The following ARMH4 variants were observed in gnomAD, a reference collection of about 807,000 sequenced individuals.
ARMH4 encodes the protein armadillo like helical domain containing 4.
A neutral mutation model predicts 61.9 loss-of-function variants in ARMH4; 49 were observed. The ratio of observed to expected loss-of-function variants is 0.79; its 90% CI spans 0.63 to 1.00. The LOEUF is 1.00. ARMH4 is among the 50% of genes least tolerant of loss of function. ARMH4 has a pLI of 0.00. For missense variants in ARMH4, 934 were observed against 930.0 expected (o/e 1.00, Z -0.06); for synonymous variants, 368 against 341.5 (o/e 1.08, Z -0.85).
At chr14:58,063,153 T>C (rs896566380) in intron 5 of ARMH4, among the ~76,000 whole-genome samples, 1 of 152,082 alleles carries the variant, frequency 6.6e-6, no homozygotes, top group Non-Finnish European at 1.5e-5. Flanking sequence ...GGAACATAAC[T>C]CCAATCTCTA....
At chr14:58,111,952 C>A (rs79387265) in intron 4 of ARMH4, among the ~76,000 whole-genome samples, 3 of 152,158 alleles carry the variant, frequency 2.0e-5, no homozygotes, top group Non-Finnish European at 4.4e-5. Context: ...CTTCGCCCCC[C>A]TAAAGTTCTG....
intron 4 of ARMH4, among the ~76,000 whole-genome samples, chr14:58,123,406 G>A (rs1886793465): frequency 6.6e-6 from 1 of 152,080 alleles, no homozygotes; most frequent in East Asian, 1.9e-4. Context: ...GCTCAACAAG[G>A]ACTCCAAAAG....
chr14:58,020,064 C>G (rs550712474), intron 5 of ARMH4, among the ~76,000 whole-genome samples: 1 of 152,258 alleles, frequency 6.6e-6, no homozygotes, highest in Admixed American at 6.5e-5. Flanking sequence ...TTGTTAAACA[C>G]CTCACAAAAA....
intron 5 of ARMH4, among the ~76,000 whole-genome samples, chr14:58,072,086 T>C (rs1216633714): frequency 6.6e-6 from 1 of 152,230 alleles, no homozygotes; most frequent in Non-Finnish European, 1.5e-5. Flanking sequence ...ATTTTTTGTA[T>C]TACCTCTTTA....
intron 4 of ARMH4, among the ~76,000 whole-genome samples, chr14:58,123,037 GTCC>G (rs952700942): frequency 6.6e-6 from 1 of 152,128 alleles, no homozygotes; most frequent in Non-Finnish European, 1.5e-5. Flanking sequence ...CCGGACAACT[GTCC>G]TCCAGATCTG....
chr14:58,061,083 A>C lies in ARMH4; in HGVS notation c.2089+35641T>G, dbSNP rs974414554. On this transcript the variant is annotated intron_variant, in intron 5 of 7. Coordinates refer to ENST00000267485, the MANE Select transcript of ARMH4 (RefSeq NM_001001872.4). ...AGAATAACATCACATTCCAGATTCC[A>C]TGCTGAGCTCCAACTCCGTGAGGCT... Among the ~76,000 whole-genome samples the C allele has an allele frequency of 3.9e-5, 6 of 152,220 alleles. No individual in the cohort carries two copies. In the South Asian group the frequency reaches 1.2e-3, roughly 32 times the overall value.
At chr14:58,108,140 C>G (rs961138435) in intron 4 of ARMH4, among the ~76,000 whole-genome samples, 1 of 152,090 alleles carries the variant, frequency 6.6e-6, no homozygotes, top group Non-Finnish European at 1.5e-5. Flanking sequence ...CAGCGACTCT[C>G]CAGCAGATGG....
intron 6 of ARMH4, among the ~76,000 whole-genome samples, chr14:58,006,668 A>G (rs1882180617): frequency 6.6e-6 from 1 of 151,448 alleles, no homozygotes; most frequent in Non-Finnish European, 1.5e-5. Context: ...TTTTCAATAA[A>G]TTAATATGCC....
chr14:58,016,506 AT>A, intron 5 of ARMH4, among the ~76,000 whole-genome samples: 1 of 152,150 alleles, frequency 6.6e-6, no homozygotes, highest in Middle Eastern at 3.2e-3. Flanking sequence ...TTTGTCTTTT[AT>A]TCTCTGTATT....
At chr14:58,115,415 A>G (rs1204579604) in intron 4 of ARMH4, among the ~76,000 whole-genome samples, 2 of 152,196 alleles carry the variant, frequency 1.3e-5, no homozygotes, top group African/African-American at 4.8e-5. Flanking sequence ...TTAGAAGTCA[A>G]AACATAACAG....
chr14:58,065,935 C>A (rs1884686911), intron 5 of ARMH4, among the ~76,000 whole-genome samples: 1 of 152,200 alleles, frequency 6.6e-6, no homozygotes, highest in African/African-American at 2.4e-5. Flanking sequence ...TTACAGCTGT[C>A]AAGATACTGA....
intron 5 of ARMH4, among the ~76,000 whole-genome samples, chr14:58,082,859 T>G (rs577169956): frequency 2.2e-4 from 34 of 152,302 alleles, no homozygotes; most frequent in African/African-American, 8.2e-4. Flanking sequence ...GTAAATGATA[T>G]GTACTGCCAT....
intron 5 of ARMH4, among the ~76,000 whole-genome samples, chr14:58,081,990 G>T (rs1038305245): frequency 6.6e-6 from 1 of 151,358 alleles, no homozygotes; most frequent in Non-Finnish European, 1.5e-5. Context: ...GGATACCACA[G>T]CTTACCTATA....
chr14:58,044,127 A>G (rs1883834986), intron 5 of ARMH4, among the ~76,000 whole-genome samples: 1 of 152,182 alleles, frequency 6.6e-6, no homozygotes, highest in African/African-American at 2.4e-5. Flanking sequence ...TAAAGTTCAT[A>G]TGGAACCAAA....
rs1887956094 is a variant in ARMH4, at chr14:58,152,147, CG to C, written c.-130del. 1.8e-5 allele frequency: 3 copies of C among 162,452 alleles called. No homozygotes were observed. The highest frequency in any genetic ancestry group is 4.8e-5 in the African/African-American group (2 of 41,550). 10.1% of individuals were successfully genotyped at this position (162,452 alleles called of 1,614,324 possible). A position where few individuals can be genotyped will look rare whatever the true frequency, so the allele number is the denominator to read the frequency against. On this transcript the variant is annotated 5_prime_UTR_variant, in exon 1 of 8. Coordinates refer to ENST00000267485, the MANE Select transcript of ARMH4 (RefSeq NM_001001872.4). ...GCGCGGGCGCTCGGCATCCCAGCGGCGGGCCCTGCGGCGGCGGCGGCGGTAG... is the reference window on the plus strand; with the variant it reads ...GCGCGGGCGCTCGGCATCCCAGCGGCGGCCCTGCGGCGGCGGCGGCGGTAG...
chr14:58,112,081 CCT>C (rs1886371276), intron 4 of ARMH4, among the ~76,000 whole-genome samples: 1 of 152,094 alleles, frequency 6.6e-6, no homozygotes, highest in African/African-American at 2.4e-5. Flanking sequence ...CCTTACAGAC[CCT>C]GTCTCCAAAT....
intron 4 of ARMH4, among the ~76,000 whole-genome samples, chr14:58,110,305 G>A (rs1254459707): frequency 6.9e-6 from 1 of 143,968 alleles, no homozygotes; most frequent in Non-Finnish European, 1.5e-5. Flanking sequence ...ACTAACATAT[G>A]CATTACCTCA....
At chr14:58,075,714 C>G (rs1469509571) in intron 5 of ARMH4, among the ~76,000 whole-genome samples, 1 of 152,140 alleles carries the variant, frequency 6.6e-6, no homozygotes, top group African/African-American at 2.4e-5. Flanking sequence ...AACAAACTTG[C>G]ACGTTCTGCA....
At chr14:58,110,841 C>T (rs1306317546) in intron 4 of ARMH4, among the ~76,000 whole-genome samples, 1 of 152,124 alleles carries the variant, frequency 6.6e-6, no homozygotes, top group African/African-American at 2.4e-5. Flanking sequence ...CCTGCCTCAG[C>T]CTCCCAAGTA....
Sources: gnomAD v4.1 joint callset for allele counts (sites outside exome capture counted in the v4.1 genomes callset) on GRCh38, gnomAD v4.1.1 for gene constraint, MANE v1.5 for transcripts, NCBI Gene and HGNC (gene_info 2026-07-23, HGNC 2026-07-21) for gene names.